Variants in MGME1 observed in about 807,000 individuals in gnomAD.
The protein encoded by MGME1 is chromosome 20 open reading frame 72.
MGME1 carries 22 observed loss-of-function variants against 33.0 expected under a neutral mutation model. The ratio of observed to expected loss-of-function variants is 0.67; its 90% CI spans 0.48 to 0.95. The LOEUF (loss-of-function observed/expected upper bound fraction) is 0.95, where lower values mean the gene tolerates loss of function less well. Among genes scored for constraint, MGME1 ranks in the 40% least tolerant of loss-of-function variants. The probability of loss-of-function intolerance (pLI) is 0.00; values close to 1 mark genes in which losing one functional copy is unlikely to be tolerated. For missense variants in MGME1, 383 were observed against 397.8 expected, an observed-to-expected ratio of 0.96 and a Z score of 0.32; for synonymous variants, 133 against 144.0, an observed-to-expected ratio of 0.92 and a Z score of 0.55.
intron 4 of MGME1, among the ~76,000 whole-genome samples, chr20:17,989,642 G>A (rs561474033): frequency 2.3e-4 from 35 of 151,356 alleles, no homozygotes; most frequent in Admixed American, 4.6e-4. Context: ...CAGCCTGGAC[G>A]ATGGGAGTGG....
At position 17,975,938 on chromosome 20, in the gene MGME1, T is replaced by C. The variant is rs2035856026; in HGVS notation, c.731+35T>C. 3 of 1,511,298 alleles carry C rather than the reference T, an allele frequency of 2.0e-6. No individual in the cohort carries two copies. In the South Asian group the frequency reaches 3.4e-5, roughly 17 times the overall value. 93.6% of individuals were successfully genotyped at this position (1,511,298 alleles called of 1,614,324 possible). A position where few individuals can be genotyped will look rare whatever the true frequency, so the allele number is the denominator to read the frequency against. ...AGATTGGAGGTGAATTAATACAGCG[T>C]AGGACAGATGGTGCCTGTCAAAGGT... On this transcript the variant is annotated intron_variant, in intron 3 of 4. Transcript: ENST00000377710.
chr20:17,984,891 C>T (rs2036115800), intron 3 of MGME1, among the ~76,000 whole-genome samples: 1 of 151,772 alleles, frequency 6.6e-6, no homozygotes, highest in Non-Finnish European at 1.5e-5. Flanking sequence ...CAAAAAATTA[C>T]CCGGGTGTGG....
chr20:17,990,117 G>A lies in MGME1; in HGVS notation c.*8G>A. On this transcript the variant is annotated 3_prime_UTR_variant, in exon 5 of 5. Transcript: ENST00000377710. ...CCAGAATATTCAGAATAGGGAGCAA[G>A]TTGCTATTTGGGAACATTCAGCACC... 1 of 1,613,386 alleles carries A rather than the reference G, an allele frequency of 6.2e-7. No individual in the cohort carries two copies. Among genetic ancestry groups the A allele is most frequent in the South Asian group, 1.1e-5 (1 of 91,054 alleles).
rs530128116 is a variant in MGME1 at position 17,990,130 on chromosome 20, A to G, written c.*21A>G. ...AATAGGGAGCAAGTTGCTATTTGGG[A>G]ACATTCAGCACCTTCTCACAGTTTG... On this transcript the variant is annotated 3_prime_UTR_variant, in exon 5 of 5. Transcript: ENST00000377710. 3.7e-6 allele frequency: 6 copies of G among 1,609,016 alleles called. No homozygotes were observed. In the South Asian group the frequency reaches 6.6e-5, roughly 18 times the overall value.
chr20:17,990,208 G>T lies in MGME1; in HGVS notation c.*99G>T, dbSNP rs1210014843. On this transcript the variant is annotated 3_prime_UTR_variant, in exon 5 of 5. Coordinates refer to ENST00000377710, the MANE Select transcript of MGME1 (RefSeq NM_052865.4). The stretch of plus-strand genomic sequence containing the variant: ...GTAAAAATGAGGTGCCACTGGATCT[G>T]AGTGCTACACGAACACAAGTAGAAG... 2 of 997,014 alleles carry T rather than the reference G, an allele frequency of 2.0e-6. No individual in the cohort carries two copies. Among genetic ancestry groups the T allele is most frequent in the Middle Eastern group, 4.1e-4 (2 of 4,868 alleles). 61.8% of individuals were successfully genotyped at this position (997,014 alleles called of 1,614,324 possible).
chr20:17,972,245 G>A (rs1014114812), intron 2 of MGME1, among the ~76,000 whole-genome samples: 1 of 152,054 alleles, frequency 6.6e-6, no homozygotes, highest in Non-Finnish European at 1.5e-5. Flanking sequence ...GAAAAATATT[G>A]GATCAGTAAT....
At chr20:17,988,093 G>A (rs960528293) in intron 3 of MGME1, 73 bp from the exon 4 acceptor site, 3 of 1,420,810 alleles carry the variant, frequency 2.1e-6, no homozygotes, top group East Asian at 2.3e-5. Context: ...CTATACATAA[G>A]AGAACTGTTA....
Position 17,990,410 on chromosome 20 carries a change from T to TGGGCGGGGGGG in MGME1, c.*304_*305insCGGGGGGGGGG, listed in dbSNP as rs1555792156. ...ACTCTTGTACTCCCTTGAGGGACAT[T>TGGGCGGGGGGG]GGGGGGGGGGGGGCGTGGTCCCAGG... On this transcript the variant is annotated 3_prime_UTR_variant, in exon 5 of 5. Transcript: ENST00000377710. The TGGGCGGGGGGG allele has an allele frequency of 9.0e-5, 4 of 44,516 alleles. No homozygotes were observed. The highest frequency in any genetic ancestry group is 5.6e-4 in the African/African-American group (4 of 7,192). The allele number at this position is 44,516 out of a possible 1,614,324, so 2.8% of individuals were successfully genotyped here.
chr20:17,973,072 T>C (rs983924893), intron 2 of MGME1, among the ~76,000 whole-genome samples: 1 of 152,152 alleles, frequency 6.6e-6, no homozygotes, highest in Non-Finnish European at 1.5e-5. Context: ...CAGCTGGGCA[T>C]AGTGGCTCAT....
chr20:17,982,645 AT>A (rs966341945), intron 3 of MGME1, among the ~76,000 whole-genome samples: 1 of 152,178 alleles, frequency 6.6e-6, no homozygotes, highest in African/African-American at 2.4e-5. Flanking sequence ...AGTGTTAGTA[AT>A]TTTGATAACA....
intron 4 of MGME1, among the ~76,000 whole-genome samples, chr20:17,988,782 G>A (rs376203514): frequency 6.6e-6 from 1 of 151,110 alleles, no homozygotes; most frequent in Non-Finnish European, 1.5e-5. Flanking sequence ...ATTGCTTAAC[G>A]TCTTCCTTGT....
At chr20:17,971,057 C>G (rs2035715669) in intron 2 of MGME1, among the ~76,000 whole-genome samples, 1 of 152,196 alleles carries the variant, frequency 6.6e-6, no homozygotes, top group East Asian at 1.9e-4. Flanking sequence ...ATCAATCATT[C>G]CTTTACCCAA....
intron 3 of MGME1, among the ~76,000 whole-genome samples, chr20:17,983,354 C>T (rs1428749640): frequency 6.7e-6 from 1 of 149,726 alleles, no homozygotes; most frequent in African/African-American, 2.5e-5. Context: ...AGGTTGTTTC[C>T]GCATCTTGGC....
intron 3 of MGME1, among the ~76,000 whole-genome samples, chr20:17,987,590 T>C (rs1032765763): frequency 6.6e-6 from 1 of 152,102 alleles, no homozygotes; most frequent in Admixed American, 6.6e-5. Context: ...TACTAGAAAA[T>C]TTAAAATGAC....
At chr20:17,979,536 A>G (rs1209519808) in intron 3 of MGME1, among the ~76,000 whole-genome samples, 1 of 148,806 alleles carries the variant, frequency 6.7e-6, no homozygotes, top group East Asian at 2.0e-4. Flanking sequence ...CAGCCTCCCC[A>G]GCAGCTGGGA....
chr20:17,968,778 G>A (rs776719574), upstream of MGME1: 4 of 317,200 alleles, frequency 1.3e-5, no homozygotes, highest in South Asian at 9.5e-5. Context: ...CTCCCAGCAA[G>A]ACGCGTCTAG....
chr20:17,989,587 C>T (rs1407666929), intron 4 of MGME1, among the ~76,000 whole-genome samples: 2 of 151,524 alleles, frequency 1.3e-5, no homozygotes, highest in Admixed American at 6.6e-5. Context: ...TGGTGCCCGC[C>T]TCAGCTTCGA....
In MGME1 at chr20:17,990,047, C is replaced by T. The variant is rs1429375388; in HGVS notation, c.973C>T (p.Leu325=). ...SQYWTKWLLR[L]EEYTEKKKNQ... is the part of the protein sequence containing the mutation. ...GTACTGGACCAAGTGGCTTCTTCGA[C>T]TAGAAGAATATACGGAAAAGAAAAA... is the stretch of plus-strand genomic sequence containing the variant. Residue 325 remains leucine, a synonymous_variant, in exon 5 of 5, where the codon CTA becomes TTA. Coordinates refer to ENST00000377710, the MANE Select transcript of MGME1 (RefSeq NM_052865.4). 1.4e-5 allele frequency: 22 copies of T among 1,613,590 alleles called. No individual in the cohort carries two copies. Among genetic ancestry groups the T allele is most frequent in the Non-Finnish European group, 1.8e-5 (21 of 1,179,630 alleles).
intron 2 of MGME1, among the ~76,000 whole-genome samples, chr20:17,974,061 GTTTT>G (rs34206000): frequency 2.3e-5 from 2 of 85,472 alleles, no homozygotes; most frequent in Admixed American, 1.4e-4. Flanking sequence ...CTCTTTGTGT[GTTTT>G]TTTTTTTTTT....
Sources: allele counts gnomAD v4.1 joint callset (sites outside exome capture counted in the v4.1 genomes callset), GRCh38; gene constraint gnomAD v4.1.1; transcripts MANE v1.5; gene names NCBI Gene and HGNC (gene_info 2026-07-23, HGNC 2026-07-21).